Variants in TRIM5 observed in about 807,000 individuals in gnomAD.
TRIM5 encodes the protein tripartite motif-containing protein 5.
In TRIM5, 31 loss-of-function variants were observed where a neutral mutation model predicts 35.6. The ratio of observed to expected loss-of-function variants is 0.87; its 90% CI spans 0.65 to 1.18. The LOEUF (loss-of-function observed/expected upper bound fraction) is 1.18, where lower values mean the gene tolerates loss of function less well. Ranked by LOEUF, TRIM5 falls within the 50% of genes most tolerant of loss-of-function variation. The pLI, the probability that TRIM5 is intolerant of heterozygous loss-of-function variation, is 0.00. For synonymous variants in TRIM5, 243 were observed against 215.6 expected (o/e 1.13, Z -1.11); for missense variants, 609 against 591.6 (o/e 1.03, Z -0.31).
At chr11:5,609,997 C>A in the TRIM5 span, 2 of 720,850 alleles carry the variant, frequency 2.8e-6, no homozygotes, top group Non-Finnish European at 2.3e-6. Flanking sequence ...TCTTCTGGCT[C>A]CAGTGCCAGG....
chr11:5,608,232 G>C, the TRIM5 span: 2 of 1,311,208 alleles, frequency 1.5e-6, no homozygotes, highest in South Asian at 3.1e-5. Context: ...TCTGCCCTGA[G>C]TTTTTTCTCT....
At chr11:5,653,655 C>CT in the TRIM5 span, among the ~76,000 whole-genome samples, 9 of 151,796 alleles carry the variant, frequency 5.9e-5, no homozygotes, top group Non-Finnish European at 1.2e-4. Context: ...CCATGCCCGA[C>CT]TAATTTTTGT....
At chr11:5,615,777 G>A in the TRIM5 span, among the ~76,000 whole-genome samples, 2 of 151,604 alleles carry the variant, frequency 1.3e-5, no homozygotes, top group Non-Finnish European at 2.9e-5. Context: ...ATTTTTAGTA[G>A]AGACGGGGTT....
chr11:5,673,953 C>G (rs1851752174), intron 4 of TRIM5, among the ~76,000 whole-genome samples: 2 of 151,532 alleles, frequency 1.3e-5, no homozygotes, highest in Admixed American at 1.3e-4. Flanking sequence ...AAAGATTTCA[C>G]AGCATCTAAG....
chr11:5,673,857 A>G (rs2134076225), intron 4 of TRIM5, among the ~76,000 whole-genome samples: 1 of 152,272 alleles, frequency 6.6e-6, no homozygotes, highest in South Asian at 2.1e-4. Context: ...ATTAGAAAAT[A>G]CATTGAGCCA....
the TRIM5 span, among the ~76,000 whole-genome samples, chr11:5,598,952 C>T: frequency 6.6e-6 from 1 of 152,118 alleles, no homozygotes; most frequent in Non-Finnish European, 1.5e-5. Flanking sequence ...TCCTTATGCC[C>T]TTTGCAGTTC....
chr11:5,632,585 A>G, the TRIM5 span: 1 of 1,613,864 alleles, frequency 6.2e-7, no homozygotes, highest in South Asian at 1.1e-5. Flanking sequence ...AAGGAGGTCA[A>G]GTTGAGCCCA....
Position 5,663,575 on chromosome 11 carries a change from G to A in TRIM5, c.*1234C>T. 1 of 971,528 alleles carries A rather than the reference G, an allele frequency of 1.0e-6. No homozygotes were observed. Among genetic ancestry groups the A allele is most frequent in the Non-Finnish European group, 1.2e-6 (1 of 817,288 alleles). The allele number at this position is 971,528 out of a possible 1,614,324, so 60.2% of individuals were successfully genotyped here. ...ACTTAGATAGATGCTTTATACTTCA[G>A]GAATTTATTTTTTCACAATGATCCA... On this transcript the variant is annotated 3_prime_UTR_variant, in exon 8 of 8. Transcript: ENST00000380034.
chr11:5,666,083 T>TA lies in TRIM5; in HGVS notation c.768-3dup, dbSNP rs770457166. On this transcript the variant is annotated splice_polypyrimidine_tract_variant and splice_region_variant and intron_variant, in intron 5 of 7. Coordinates refer to ENST00000380034, the MANE Select transcript of TRIM5 (RefSeq NM_033034.3). Reference sequence around the variant, plus strand: ...TTCTTCAAGGTCACGTTCTCCGTCCTAAGAATTAAAAAAAAAAAAAAAAAC... The same window carrying TA: ...TTCTTCAAGGTCACGTTCTCCGTCCTAAAGAATTAAAAAAAAAAAAAAAAAC... 2.7e-6 allele frequency: 4 copies of TA among 1,471,842 alleles called. No individual in the cohort carries two copies. The South Asian group carries it at 3.7e-5, about 13-fold the overall frequency. The allele number at this position is 1,471,842 out of a possible 1,614,324, so 91.2% of individuals were successfully genotyped here. A position where few individuals can be genotyped will look rare whatever the true frequency, so the allele number is the denominator to read the frequency against.
At chr11:5,589,569 T>C in the TRIM5 span, 2 of 152,166 alleles carry the variant, frequency 1.3e-5, no homozygotes, top group African/African-American at 4.8e-5. Flanking sequence ...ACTAAATAAA[T>C]CTTCGGCATG....
intron 4 of TRIM5, among the ~76,000 whole-genome samples, chr11:5,673,110 A>G (rs1851693911): frequency 6.6e-6 from 1 of 152,152 alleles, no homozygotes; most frequent in South Asian, 2.1e-4. Context: ...TATAATGAAA[A>G]CCCAAATGAA....
chr11:5,606,079 T>C, the TRIM5 span, among the ~76,000 whole-genome samples: 1 of 152,208 alleles, frequency 6.6e-6, no homozygotes, highest in African/African-American at 2.4e-5. Context: ...ATTAGGCACC[T>C]CTCGTCTCTG....
At chr11:5,684,261 T>A (rs1293041174) in intron 1 of TRIM5, 1 of 152,506 alleles carries the variant, frequency 6.6e-6, no homozygotes, top group South Asian at 2.1e-4. Context: ...TCTCTCCCCG[T>A]ACTCAGTTCT....
the TRIM5 span, chr11:5,611,105 T>G: frequency 1.2e-6 from 2 of 1,614,064 alleles, no homozygotes; most frequent in African/African-American, 2.7e-5. Flanking sequence ...AGCATAACCA[T>G]GAATATAGGG....
chr11:5,683,689 C>T (rs1449577863), intron 1 of TRIM5, among the ~76,000 whole-genome samples: 1 of 152,066 alleles, frequency 6.6e-6, no homozygotes, highest in Non-Finnish European at 1.5e-5. Context: ...TGTCTACACT[C>T]TGTATCTAGC....
downstream of TRIM5, among the ~76,000 whole-genome samples, chr11:5,661,850 A>G (rs896160405): frequency 3.9e-5 from 6 of 152,282 alleles, no homozygotes; most frequent in East Asian, 5.8e-4. Context: ...AAAATCCTTC[A>G]GTGTGCAGAT....
chr11:5,648,625 C>CA, the TRIM5 span, among the ~76,000 whole-genome samples: 3 of 151,720 alleles, frequency 2.0e-5, no homozygotes, highest in South Asian at 2.1e-4. Flanking sequence ...GTGTGAAAGA[C>CA]AAAAAAAATA....
chr11:5,674,546 A>G (rs1442008368), intron 4 of TRIM5, among the ~76,000 whole-genome samples: 3 of 152,220 alleles, frequency 2.0e-5, no homozygotes, highest in Non-Finnish European at 4.4e-5. Context: ...GGCTCAACCT[A>G]GTAAAACCCA....
chr11:5,604,428 CA>C, the TRIM5 span: 1 of 1,272,320 alleles, frequency 7.9e-7, no homozygotes, highest in Non-Finnish European at 1.1e-6. Context: ...TAGGTTAGGA[CA>C]GGCTTCTTTT....
Sources: allele counts gnomAD v4.1 joint callset (sites outside exome capture counted in the v4.1 genomes callset), GRCh38; gene constraint gnomAD v4.1.1; transcripts MANE v1.5; gene names NCBI Gene and HGNC (gene_info 2026-07-23, HGNC 2026-07-21).